The following EPS8L3 variants were observed in gnomAD, a reference collection of about 807,000 sequenced individuals.
The protein encoded by EPS8L3 is EPS8 signaling adaptor L3.
EPS8L3 carries 80 observed loss-of-function variants against 88.5 expected under a neutral mutation model. That is an observed-to-expected ratio of 0.90 (90% confidence interval 0.75 to 1.09). The LOEUF (loss-of-function observed/expected upper bound fraction) is 1.09. EPS8L3 is among the 50% of genes least tolerant of loss of function. The pLI is 0.00. For missense variants in EPS8L3, 721 were observed against 735.2 expected (o/e 0.98, Z 0.22); for synonymous variants, 286 against 291.0 (o/e 0.98, Z 0.18).
In EPS8L3 at chr1:109,761,768, G is replaced by C. The variant is rs374102864; in HGVS notation, c.-19C>G. ...TTGACATGTTGACGCTGCTGAGGAC[G>C]GCTCCCTAGAACCCAAAGTGAACCA... On this transcript the variant is annotated 5_prime_UTR_variant, in exon 2 of 19. Coordinates refer to ENST00000361965, the MANE Select transcript of EPS8L3 (RefSeq NM_133181.4). 9.3e-6 allele frequency: 15 copies of C among 1,613,842 alleles called. No homozygotes were observed. The highest frequency in any genetic ancestry group is 2.7e-5 in the African/African-American group (2 of 74,874).
chr1:109,758,319 G>T lies in EPS8L3; in HGVS notation c.714C>A (p.Asp238Glu). The change falls in exon 8 of 19, where the codon GAC (aspartate) becomes GAA (glutamate). Residue 238 changes from aspartate (D) to glutamate (E), a missense_variant. Asp to Glu is a conservative substitution (Grantham distance 45, BLOSUM62 2). Transcript: ENST00000361965. ...ACTCAAGACCATCCGCAGTTACCTC[G>T]TCCCTCTCTGGGTCCTCGGGGGAAG... ...RSSSPEDPER[D>E]EEVLNHVLRD... 1 of 1,612,794 alleles carries T rather than the reference G, an allele frequency of 6.2e-7. No individual in the cohort carries two copies. Among genetic ancestry groups the T allele is most frequent in the Non-Finnish European group, 8.5e-7 (1 of 1,179,062 alleles).
Position 109,759,768 on chromosome 1 carries a change from G to T in EPS8L3, c.165C>A (p.Phe55Leu), listed in dbSNP as rs1451563967. Reference protein sequence around the residue: ...QGPEDALQKLFEMDAQGRVWS... With the variant: ...QGPEDALQKLLEMDAQGRVWS... The stretch of plus-strand genomic sequence containing the variant: ...ACACCCGGCCCTGTGCATCCATCTC[G>T]AACAGCTTCTGCAAGGCATCCTCGG... Residue 55 changes from phenylalanine to leucine, a missense_variant, in exon 4 of 19, where the codon TTC (phenylalanine) becomes TTA (leucine). Physicochemically the swap from Phe to Leu is conservative, Grantham distance 22. Coordinates refer to ENST00000361965, the MANE Select transcript of EPS8L3 (RefSeq NM_133181.4). The surrounding 1 kb of genome is among the most constrained non-coding windows in gnomAD (Gnocchi z 4.2). The T allele has an allele frequency of 4.3e-6, 7 of 1,614,112 alleles. No individual in the cohort carries two copies. Among genetic ancestry groups the T allele is most frequent in the Admixed American group, 1.7e-5 (1 of 60,028 alleles).
chr1:109,757,393 C>G (rs1330941505), intron 11 of EPS8L3, 88 bp downstream of exon 11: 2 of 1,345,852 alleles, frequency 1.5e-6, no homozygotes, highest in South Asian at 1.2e-5. Flanking sequence ...CCTGCTCCCC[C>G]ATCCCCCTCC....
At chr1:109,761,212 T>A in intron 3 of EPS8L3, 1 of 397,420 alleles carries the variant, frequency 2.5e-6, no homozygotes, top group Non-Finnish European at 4.7e-6. Flanking sequence ...GTGCTTCTTA[T>A]CCCATCCTGC....
chr1:109,758,514 C>G lies in EPS8L3; in HGVS notation c.601+10G>C. 6.4e-7 allele frequency: 1 copy of G among 1,571,636 alleles called. No homozygotes were observed. The highest frequency in any genetic ancestry group is 1.2e-5 in the South Asian group (1 of 84,998). Reference sequence around the variant, plus strand: ...CCTCTCCTTCACCTGCCCCCATGCCCCAAACTTACTGTGCTCTAGGGTCCT... The same window carrying G: ...CCTCTCCTTCACCTGCCCCCATGCCGCAAACTTACTGTGCTCTAGGGTCCT... On this transcript the variant is annotated intron_variant, in intron 7 of 18. Transcript: ENST00000361965.
chr1:109,754,501 T>C (rs1209305383), intron 12 of EPS8L3, among the ~76,000 whole-genome samples: 1 of 152,226 alleles, frequency 6.6e-6, no homozygotes, highest in East Asian at 1.9e-4. Flanking sequence ...CTAAAAAACA[T>C]CTAAGGGCAC....
Position 109,759,536 on chromosome 1 carries a change from CCT to C in EPS8L3, c.255+140_255+141del. ...GTGCCTCTGTCCCCAGCCTCTGTCC[CCT>C]GTCTCTTCCTAGGCTTGGGTGTGTG... On this transcript the variant is annotated intron_variant, in intron 4 of 18. Transcript: ENST00000361965. This position sits in a 1 kb window ranked among gnomAD's most constrained non-coding sequence, Gnocchi z 4.2. The C allele has an allele frequency of 6.7e-7, 1 of 1,481,782 alleles. No homozygotes were observed. Among genetic ancestry groups the C allele is most frequent in the Non-Finnish European group, 9.1e-7 (1 of 1,100,704 alleles). The allele number at this position is 1,481,782 out of a possible 1,614,324, so 91.8% of individuals were successfully genotyped here. A position where few individuals can be genotyped will look rare whatever the true frequency, so the allele number is the denominator to read the frequency against.
intron 9 of EPS8L3, 38 bp from the exon 10 acceptor site, chr1:109,757,901 C>A (rs749486109): frequency 6.2e-7 from 1 of 1,613,378 alleles, no homozygotes; most frequent in African/African-American, 1.3e-5. Flanking sequence ...CAGAGATCAC[C>A]CTGAGACACC....
At chr1:109,755,525 C>T (rs1429392528) in intron 12 of EPS8L3, among the ~76,000 whole-genome samples, 3 of 152,106 alleles carry the variant, frequency 2.0e-5, no homozygotes, top group Non-Finnish European at 4.4e-5. Flanking sequence ...CTGGTCATGG[C>T]GGGGTGCGGC....
At chr1:109,762,260 C>G (rs1010216095) in intron 1 of EPS8L3, among the ~76,000 whole-genome samples, 3 of 152,144 alleles carry the variant, frequency 2.0e-5, no homozygotes, top group African/African-American at 2.4e-5. Context: ...AGCTGTAGAC[C>G]CTCTGGGAAG....
In EPS8L3 at chr1:109,753,455, C is replaced by T. The variant is rs551075049; in HGVS notation, c.1119-257G>A. On this transcript the variant is annotated intron_variant, in intron 12 of 18. Coordinates refer to ENST00000361965, the MANE Select transcript of EPS8L3 (RefSeq NM_133181.4). ...CCATGAGGTAAAGATACACCACCTC[C>T]GTAAGAACATGATGGACACTTCATT... Among the ~76,000 whole-genome samples the T allele has an allele frequency of 7.9e-5, 12 of 152,288 alleles. 1 individual carries two copies. The highest frequency in any genetic ancestry group is 5.2e-4 in the Admixed American group (8 of 15,302).
At chr1:109,754,381 T>C (rs1164756631) in intron 12 of EPS8L3, among the ~76,000 whole-genome samples, 1 of 152,258 alleles carries the variant, frequency 6.6e-6, no homozygotes, top group Non-Finnish European at 1.5e-5. Context: ...AATCAAGTTA[T>C]CTAAATATAA....
In EPS8L3 at chr1:109,751,656, G is replaced by T; in HGVS notation, c.1561C>A (p.Arg521=). 6.2e-7 allele frequency: 1 copy of T among 1,613,908 alleles called. No individual in the cohort carries two copies. Among genetic ancestry groups the T allele is most frequent in the African/African-American group, 1.3e-5 (1 of 74,958 alleles). Residue 521 remains arginine (R), a splice_region_variant and synonymous_variant, in exon 16 of 19, where the codon CGG becomes AGG. Coordinates refer to ENST00000361965, the MANE Select transcript of EPS8L3 (RefSeq NM_133181.4). ...GGATAGTCCAGGCTGGGTAGTACCC[G>T]AGAGGGTGACTGGCCCTGGGTCCCA... The part of the protein sequence containing the change: ...TPGTQGQSPS[R]VPMLRLSSRP...
At chr1:109,753,469 G>C (rs1470138554) in intron 12 of EPS8L3, among the ~76,000 whole-genome samples, 1 of 152,174 alleles carries the variant, frequency 6.6e-6, no homozygotes, top group African/African-American at 2.4e-5. Context: ...AGAACATGAT[G>C]GACACTTCAT....
At chr1:109,750,862 G>A (rs1205028040) in intron 17 of EPS8L3, 70 bp from the exon 18 acceptor site, 5 of 1,582,544 alleles carry the variant, frequency 3.2e-6, no homozygotes, top group Non-Finnish European at 4.3e-6. Context: ...TTTGGGCAGA[G>A]ACAGGGCTCT....
Position 109,751,309 on chromosome 1 carries a change from C to A in EPS8L3, c.1606G>T (p.Asp536Tyr). 1 of 1,613,990 alleles carries A rather than the reference C, an allele frequency of 6.2e-7. No homozygotes were observed. The highest frequency in any genetic ancestry group is 1.1e-5 in the South Asian group (1 of 91,034). ...RLSSRPEEVT[D>Y]WLQAENFSTA... ...GAGAAGTTCTCTGCCTGCAGCCAGT[C>A]TGTGACCTCTTCAGGCCTCGAGCTA... The change falls in exon 17 of 19, where the codon GAC (aspartate) becomes TAC (tyrosine). Residue 536 changes from aspartate to tyrosine, a missense_variant. By Grantham distance (160) the Asp-to-Tyr change is radical. Coordinates refer to ENST00000361965, the MANE Select transcript of EPS8L3 (RefSeq NM_133181.4).
Position 109,757,554 on chromosome 1 carries a change from C to G in EPS8L3, c.896G>C (p.Gly299Ala), listed in dbSNP as rs775375992. 4 of 1,613,656 alleles carry G rather than the reference C, an allele frequency of 2.5e-6. No individual in the cohort carries two copies. The highest frequency in any genetic ancestry group is 1.3e-5 in the African/African-American group (1 of 75,038). The stretch of plus-strand genomic sequence containing the variant: ...CTCCTTCAGCCAGGTGGCCAGCCTT[C>G]CCTGGGGACACAGAGCAATGCCTGT... ...QKIKHSFNLL[G>A]RLATWLKETS... Residue 299 changes from glycine (G) to alanine (A), a missense_variant and splice_region_variant, in exon 11 of 19, where the codon GGA becomes GCA. Physicochemically the swap from Gly to Ala is moderately conservative, Grantham distance 60 (BLOSUM62 0). Transcript: ENST00000361965.
At chr1:109,758,084 T>C in intron 8 of EPS8L3, 26 bp from the exon 9 acceptor site, 2 of 1,602,986 alleles carry the variant, frequency 1.2e-6, no homozygotes, top group Non-Finnish European at 1.7e-6. Context: ...CCCATGGCCT[T>C]GAACGGGCAG....
At chr1:109,762,748 A>G (rs1651113780) in intron 1 of EPS8L3, among the ~76,000 whole-genome samples, 1 of 152,200 alleles carries the variant, frequency 6.6e-6, no homozygotes, top group Non-Finnish European at 1.5e-5. Context: ...GAGGACTCTG[A>G]GGCTCAAAGA....
Sources: allele counts gnomAD v4.1 joint callset (sites outside exome capture counted in the v4.1 genomes callset), GRCh38; gene constraint gnomAD v4.1.1; non-coding constraint Gnocchi (gnomAD v3.1); transcripts MANE v1.5; gene names NCBI Gene and HGNC (gene_info 2026-07-23, HGNC 2026-07-21).